The following ESD variants were observed in gnomAD, a reference collection of about 807,000 sequenced individuals.
ESD encodes esterase D, also known as S-formylglutathione hydrolase.
Under a neutral mutation model 38.1 loss-of-function variants are expected in ESD, and 34 were observed. That is an observed-to-expected ratio of 0.89 (90% CI 0.68 to 1.19). The LOEUF is 1.19. Among genes scored for constraint, ESD ranks in the 50% most tolerant of loss-of-function variants. The pLI is 0.00. For missense variants in ESD, 334 were observed against 327.2 expected, an observed-to-expected ratio of 1.02 and a Z score of -0.16; for synonymous variants, 97 against 107.0, an observed-to-expected ratio of 0.91 and a Z score of 0.58.
rs1351917249 is a variant in ESD at position 46,797,129 on chromosome 13, A to G, written c.-80T>C. ...CCTACGGTGGCGGAGTGACCAGAAGAAGCGGGCCGAAGTAAAAGGCGGGGC... is the reference window on the plus strand; with the variant it reads ...CCTACGGTGGCGGAGTGACCAGAAGGAGCGGGCCGAAGTAAAAGGCGGGGC... On this transcript the variant is annotated 5_prime_UTR_variant, in exon 1 of 10. Coordinates refer to ENST00000378720, the MANE Select transcript of ESD (RefSeq NM_001984.2). 1 of 152,374 alleles carries G rather than the reference A, an allele frequency of 6.6e-6. No individual in the cohort carries two copies. The allele number at this position is 152,374 out of a possible 1,614,324, so 9.4% of individuals were successfully genotyped here.
chr13:46,774,987 G>A (rs969377819), intron 9 of ESD, among the ~76,000 whole-genome samples: 1 of 152,152 alleles, frequency 6.6e-6, no homozygotes, highest in Non-Finnish European at 1.5e-5. Context: ...ACTTAAGGAG[G>A]TAGTATAGCC....
chr13:46,775,885 AG>A, intron 9 of ESD: 1 of 282,028 alleles, frequency 3.5e-6, no homozygotes, highest in East Asian at 1.0e-4. Context: ...TTTTCCCTCC[AG>A]GAATGTCATC....
intron 1 of ESD, among the ~76,000 whole-genome samples, 184 bp downstream of exon 1, chr13:46,796,921 C>G (rs1052195818): frequency 1.3e-5 from 2 of 152,232 alleles, no homozygotes; most frequent in African/African-American, 4.8e-5. Flanking sequence ...CTCCGGGTCA[C>G]GGGAAAAGGT....
chr13:46,778,772 T>C (rs937884135), intron 8 of ESD, among the ~76,000 whole-genome samples: 2 of 151,828 alleles, frequency 1.3e-5, no homozygotes, highest in East Asian at 1.9e-4. Context: ...TCCTAAATCA[T>C]TTCTAGCATT....
intron 3 of ESD, among the ~76,000 whole-genome samples, 156 bp from the exon 4 acceptor site, chr13:46,787,265 G>C (rs1056461607): frequency 6.6e-6 from 1 of 151,798 alleles, no homozygotes; most frequent in Non-Finnish European, 1.5e-5. Context: ...AACATTTAAC[G>C]AATATACTTG....
At chr13:46,783,709 T>C (rs1350680337) in intron 5 of ESD, among the ~76,000 whole-genome samples, 1 of 151,988 alleles carries the variant, frequency 6.6e-6, no homozygotes. Context: ...TACTGCCATT[T>C]AAATTCCATT....
rs938617518 is a variant in ESD at position 46,781,488 on chromosome 13, A to G, written c.501+8T>C. ...AATATTTATCACTAGAAGTTTAGATAATCTTACTTTGTATTTTCCAGGATT... is the reference window on the plus strand; with the variant it reads ...AATATTTATCACTAGAAGTTTAGATGATCTTACTTTGTATTTTCCAGGATT... On this transcript the variant is annotated splice_region_variant and intron_variant, in intron 7 of 9. Coordinates refer to ENST00000378720, the MANE Select transcript of ESD (RefSeq NM_001984.2). 3 of 1,583,272 alleles carry G rather than the reference A, an allele frequency of 1.9e-6. No homozygotes were observed. Among genetic ancestry groups the G allele is most frequent in the African/African-American group, 2.7e-5 (2 of 73,092 alleles).
In ESD at chr13:46,777,484, T is replaced by G. The variant is rs780104072; in HGVS notation, c.740A>C (p.Lys247Thr). Residue 247 changes from lysine (K) to threonine (T), a missense_variant, in exon 9 of 10, where the codon AAA becomes ACA. Coordinates refer to ENST00000378720, the MANE Select transcript of ESD (RefSeq NM_001984.2). ...TTGCAATCGAAAAACAACGGGGATTTTCTTTTCTGTACAGGCAGCTATGAA... is the reference window on the plus strand; with the variant it reads ...TTGCAATCGAAAAACAACGGGGATTGTCTTTTCTGTACAGGCAGCTATGAA... ...DNFIAACTEKKIPVVFRLQEG... is the reference protein window; with the variant it reads ...DNFIAACTEKTIPVVFRLQEG... 1 of 1,606,536 alleles carries G rather than the reference T, an allele frequency of 6.2e-7. No homozygotes were observed. Among genetic ancestry groups the G allele is most frequent in the Admixed American group, 1.7e-5 (1 of 59,824 alleles).
At chr13:46,782,465 T>G (rs1300306650) in intron 6 of ESD, among the ~76,000 whole-genome samples, 1 of 151,860 alleles carries the variant, frequency 6.6e-6, no homozygotes, top group Non-Finnish European at 1.5e-5. Flanking sequence ...TAAACAGGTC[T>G]CAATATAATG....
In ESD at chr13:46,784,347, A is replaced by C; in HGVS notation, c.161T>G (p.Leu54Ter). Residue 54 changes from leucine to a stop codon, truncating the protein, a stop_gained, in exon 5 of 10, where the codon TTA (leucine) becomes TGA (stop). Coordinates refer to ENST00000378720, the MANE Select transcript of ESD (RefSeq NM_001984.2). LOFTEE classifies it high-confidence loss of function. ...KCPALYWLSG[L>*]TCTEQNFISK... ...TATAAAATTTTGCTCTGTGCAAGTT[A>C]AACCTGAAGATAAAAAATATTGTTA... 6.2e-7 allele frequency: 1 copy of C among 1,601,498 alleles called. No individual in the cohort carries two copies. The highest frequency in any genetic ancestry group is 8.5e-7 in the Non-Finnish European group (1 of 1,171,148).
At chr13:46,779,339 A>G (rs1874915003) in intron 8 of ESD, among the ~76,000 whole-genome samples, 1 of 151,742 alleles carries the variant, frequency 6.6e-6, no homozygotes, top group Non-Finnish European at 1.5e-5. Flanking sequence ...AACTGAGCAC[A>G]TAGTTAATAA....
chr13:46,771,761 A>G (rs1874614733), intron 9 of ESD, among the ~76,000 whole-genome samples: 2 of 152,224 alleles, frequency 1.3e-5, no homozygotes, highest in Middle Eastern at 3.4e-3. Context: ...AAATGCTGCC[A>G]TTAATATGTA....
intron 8 of ESD, among the ~76,000 whole-genome samples, chr13:46,777,884 T>C (rs1874860835): frequency 2.6e-5 from 4 of 151,794 alleles, no homozygotes; most frequent in Admixed American, 2.6e-4. Flanking sequence ...CAGGGATTCT[T>C]AAGAAAATGG....
At chr13:46,784,385 G>A (rs1215043879) in intron 4 of ESD, 35 bp from the exon 5 acceptor site, 1 of 1,418,626 alleles carries the variant, frequency 7.0e-7, no homozygotes, top group South Asian at 1.2e-5. Context: ...GGGCACACAT[G>A]GACATGAAGA....
chr13:46,791,707 G>C (rs1875408830), intron 2 of ESD, among the ~76,000 whole-genome samples: 1 of 151,966 alleles, frequency 6.6e-6, no homozygotes, highest in Non-Finnish European at 1.5e-5. Context: ...ATTTTTAAAA[G>C]AGGCAGAAAA....
chr13:46,793,374 T>C (rs1875462373), intron 2 of ESD, 23 bp downstream of exon 2: 1 of 152,626 alleles, frequency 6.6e-6, no homozygotes, highest in African/African-American at 2.4e-5. Flanking sequence ...CAGAGTAACA[T>C]ATAAACAATA....
intron 9 of ESD, chr13:46,775,552 G>A: frequency 2.3e-6 from 1 of 440,342 alleles, no homozygotes; most frequent in Non-Finnish European, 4.7e-6. Flanking sequence ...GGGTAATCTT[G>A]GGTCAAAGCT....
intron 4 of ESD, among the ~76,000 whole-genome samples, chr13:46,784,963 T>C (rs1875139540): frequency 6.6e-6 from 1 of 152,046 alleles, no homozygotes; most frequent in South Asian, 2.1e-4. Context: ...CATCGCACTA[T>C]TTCTGCACCA....
At chr13:46,789,803 AGTT>A (rs1415162457) in intron 3 of ESD, among the ~76,000 whole-genome samples, 1 of 151,386 alleles carries the variant, frequency 6.6e-6, no homozygotes, top group Non-Finnish European at 1.5e-5. Flanking sequence ...GCTTTTTTGT[AGTT>A]GAGGATTTTT....
Sources: allele counts gnomAD v4.1 joint callset (sites outside exome capture counted in the v4.1 genomes callset), GRCh38; gene constraint gnomAD v4.1.1; transcripts MANE v1.5; gene names NCBI Gene and HGNC (gene_info 2026-07-23, HGNC 2026-07-21).